ZNF326: variants seen among roughly 807,000 people sequenced by gnomAD.
ZNF326 encodes zinc finger protein 326, also known as DBIRD complex subunit ZNF326.
ZNF326 carries 30 observed loss-of-function variants against 63.1 expected under a neutral mutation model. The ratio of observed to expected loss-of-function variants is 0.48; its 90% confidence interval spans 0.36 to 0.64. ZNF326 has a LOEUF of 0.64. Ranked by LOEUF, ZNF326 falls within the 30% of genes least tolerant of loss-of-function variation. The pLI is 0.00. For missense variants in ZNF326, 609 were observed against 720.3 expected (o/e 0.85, Z 1.77); for synonymous variants, 194 against 228.2 (o/e 0.85, Z 1.35).
intron 2 of ZNF326, among the ~76,000 whole-genome samples, chr1:90,004,798 C>CTTTTTTTTT (rs34878438): frequency 1.0e-4 from 7 of 68,124 alleles, no homozygotes; most frequent in African/African-American, 1.2e-4. Flanking sequence ...AATATCAGGG[C>CTTTTTTTTT]TTTTTTTTTT....
chr1:90,014,952 T>C (rs1649430718), intron 7 of ZNF326, among the ~76,000 whole-genome samples: 2 of 152,166 alleles, frequency 1.3e-5, no homozygotes, highest in Non-Finnish European at 2.9e-5. Context: ...ATTTTAGATA[T>C]GGATTATGTT....
rs1648276089 is a variant in ZNF326 at position 89,995,171 on chromosome 1, A to G, written c.-87A>G. 1.4e-6 allele frequency: 2 copies of G among 1,464,772 alleles called. No individual in the cohort carries two copies. The highest frequency in any genetic ancestry group is 9.2e-7 in the Non-Finnish European group (1 of 1,091,750). The allele number at this position is 1,464,772 out of a possible 1,614,324, so 90.7% of individuals were successfully genotyped here. On this transcript the variant is annotated 5_prime_UTR_variant, in exon 1 of 12. Coordinates refer to ENST00000340281, the MANE Select transcript of ZNF326 (RefSeq NM_182976.4). ...GCGCCGCTCTCGGTCGCGCGGAGTG[A>G]TCGTGTGGAATCGCGGGTCGCGGAC...
At chr1:90,025,998 G>T (rs115824968) in intron 11 of ZNF326, among the ~76,000 whole-genome samples, 1 of 146,804 alleles carries the variant, frequency 6.8e-6, no homozygotes, top group Admixed American at 6.9e-5. Flanking sequence ...ACAGAGTCTC[G>T]CTGTGTCGCC....
At chr1:89,998,927 G>T (rs931522026) in intron 2 of ZNF326, among the ~76,000 whole-genome samples, 2 of 152,138 alleles carry the variant, frequency 1.3e-5, no homozygotes, top group Non-Finnish European at 2.9e-5. Flanking sequence ...TAAAGACTAT[G>T]CCATTTATGG....
At position 89,998,115 on chromosome 1, in the gene ZNF326, A is replaced by G; in HGVS notation, c.22A>G (p.Thr8Ala). 1 of 1,613,024 alleles carries G rather than the reference A, an allele frequency of 6.2e-7. No homozygotes were observed. Among genetic ancestry groups the G allele is most frequent in the Non-Finnish European group, 8.5e-7 (1 of 1,179,764 alleles). The part of the protein sequence containing the change: MDFEDDY[T>A]HSACRNTYQG... The stretch of plus-strand genomic sequence containing the variant: ...TGTTAAATGTGTCTTCATAGATTAC[A>G]CACACTCCGCCTGCAGGAATACTTA... The change falls in exon 2 of 12, where the codon ACA (threonine) becomes GCA (alanine). Residue 8 changes from threonine to alanine, a missense_variant. Thr to Ala is a moderately conservative substitution (Grantham distance 58). Coordinates refer to ENST00000340281, the MANE Select transcript of ZNF326 (RefSeq NM_182976.4).
chr1:89,998,281 T>A, intron 2 of ZNF326, 127 bp downstream of exon 2: 3 of 769,260 alleles, frequency 3.9e-6, no homozygotes, highest in Non-Finnish European at 6.2e-6. Context: ...TAATATTGTC[T>A]TACTATATAT....
intron 7 of ZNF326, among the ~76,000 whole-genome samples, chr1:90,017,096 A>G (rs1649536505): frequency 6.6e-6 from 1 of 152,218 alleles, no homozygotes; most frequent in African/African-American, 2.4e-5. Flanking sequence ...CCTACCCGGA[A>G]GCTCCAAGGT....
In ZNF326 at chr1:90,032,551, A is replaced by G. The variant is rs1650323052; in HGVS notation, c.*4850A>G. On this transcript the variant is annotated 3_prime_UTR_variant, in exon 12 of 12. Transcript: ENST00000340281. ...GGATAGATTTATAATCACACTAGGA[A>G]GACAAGAAGGGTGCTGTGAAATATT... The G allele has an allele frequency of 6.6e-6, 1 of 152,230 alleles. No homozygotes were observed. The highest frequency in any genetic ancestry group is 2.4e-5 in the African/African-American group (1 of 41,456). The allele number at this position is 152,230 out of a possible 1,614,324, so 9.4% of individuals were successfully genotyped here.
chr1:90,000,924 C>T lies in ZNF326; in HGVS notation c.61+2770C>T, dbSNP rs565759573. On this transcript the variant is annotated intron_variant, in intron 2 of 11. Transcript: ENST00000340281. ...AGCAGCTGCTAAAATGGGTATACAC[C>T]TTGTGTTCTAGAGACATCAAGGGGC... 9.2e-5 allele frequency among the ~76,000 whole-genome samples: 14 copies of T among 152,168 alleles called. No homozygotes were observed. The South Asian group carries it at 2.9e-3, about 32-fold the overall frequency.
Position 90,007,585 on chromosome 1 carries a change from AAGAG to A in ZNF326, c.454_457del (p.Glu152IlefsTer13). 6.2e-7 allele frequency: 1 copy of A among 1,611,818 alleles called. No individual in the cohort carries two copies. The highest frequency in any genetic ancestry group is 8.5e-7 in the Non-Finnish European group (1 of 1,178,844). ...GGCCTGGGTTTATGGAGGACAGAGGAAGAGAGAATTACTCTTCCTACAGCAGTTT... is the reference window on the plus strand; with the variant it reads ...GGCCTGGGTTTATGGAGGACAGAGGAAGAATTACTCTTCCTACAGCAGTTT... On this transcript the variant is annotated frameshift_variant, in exon 5 of 12. Coordinates refer to ENST00000340281, the MANE Select transcript of ZNF326 (RefSeq NM_182976.4). LOFTEE classifies it high-confidence loss of function. The surrounding 1 kb of genome is among the most constrained non-coding windows in gnomAD (Gnocchi z 4.9).
At chr1:90,017,535 C>T (rs1649562342) in intron 8 of ZNF326, 71 bp downstream of exon 8, 1 of 1,347,826 alleles carries the variant, frequency 7.4e-7, no homozygotes. Context: ...TTTTCACTCT[C>T]CCCATCTCTC....
rs1650340271 is a variant in ZNF326 at position 90,033,042 on chromosome 1, G to A, written c.*5341G>A. On this transcript the variant is annotated 3_prime_UTR_variant, in exon 12 of 12. Transcript: ENST00000340281. ...TTCTCCTTCCTCACACAATTAAAAT[G>A]CTAGGTTTCCTGTAATCGCAATCTT... is the stretch of plus-strand genomic sequence containing the variant. 1 of 152,086 alleles carries A rather than the reference G, an allele frequency of 6.6e-6. No individual in the cohort carries two copies. The highest frequency in any genetic ancestry group is 1.5e-5 in the Non-Finnish European group (1 of 68,008). The allele number at this position is 152,086 out of a possible 1,614,324, so 9.4% of individuals were successfully genotyped here.
intron 11 of ZNF326, among the ~76,000 whole-genome samples, chr1:90,026,325 T>C (rs1345613082): frequency 6.6e-6 from 1 of 152,118 alleles, no homozygotes; most frequent in Non-Finnish European, 1.5e-5. Flanking sequence ...CAGCCCTTTT[T>C]TCTACTTAAT....
chr1:90,007,734 G>A lies in ZNF326; in HGVS notation c.599G>A (p.Arg200Lys). 1.3e-6 allele frequency: 2 copies of A among 1,509,364 alleles called. No individual in the cohort carries two copies. Among genetic ancestry groups the A allele is most frequent in the Middle Eastern group, 1.8e-4 (1 of 5,566 alleles). The allele number at this position is 1,509,364 out of a possible 1,614,324, so 93.5% of individuals were successfully genotyped here. A position where few individuals can be genotyped will look rare whatever the true frequency, so the allele number is the denominator to read the frequency against. ...GCTTTTGGAGGACCATCAACAGGCA[G>A]AGGCCGAGGCCGAGGAGTAAGTACA... ...YDAFGGPSTG[R>K]GRGRGHMGDF... The change falls in exon 5 of 12, where the codon AGA becomes AAA. Residue 200 changes from arginine to lysine, a missense_variant. Coordinates refer to ENST00000340281, the MANE Select transcript of ZNF326 (RefSeq NM_182976.4). This position sits in a 1 kb window ranked among gnomAD's most constrained non-coding sequence, Gnocchi z 4.9.
chr1:90,019,237 A>C (rs1649645034), intron 9 of ZNF326, among the ~76,000 whole-genome samples: 2 of 152,216 alleles, frequency 1.3e-5, no homozygotes, highest in Admixed American at 6.5e-5. Context: ...AGAAAAGGAA[A>C]GAAAAACAGA....
intron 2 of ZNF326, among the ~76,000 whole-genome samples, chr1:89,998,671 A>G (rs942970956): frequency 1.3e-5 from 2 of 152,156 alleles, no homozygotes; most frequent in Non-Finnish European, 2.9e-5. Flanking sequence ...ACTTGTGACT[A>G]TAGAACTAGA....
At position 90,033,360 on chromosome 1, in the gene ZNF326, C is replaced by G. The variant is rs1650352573; in HGVS notation, c.*5659C>G. ...AGCAACATGAAAAATACACAGCAAA[C>G]TTAACAAGCAGAAAGAATTCCTGGG... On this transcript the variant is annotated 3_prime_UTR_variant, in exon 12 of 12. Coordinates refer to ENST00000340281, the MANE Select transcript of ZNF326 (RefSeq NM_182976.4). 6.6e-6 allele frequency: 1 copy of G among 151,774 alleles called. No homozygotes were observed. Among genetic ancestry groups the G allele is most frequent in the East Asian group, 1.9e-4 (1 of 5,186 alleles). The allele number at this position is 151,774 out of a possible 1,614,324, so 9.4% of individuals were successfully genotyped here.
In ZNF326 at chr1:90,035,448, C is replaced by CT. The variant is rs1277554212; in HGVS notation, c.*7748dup. The CT allele has an allele frequency of 6.6e-6, 1 of 152,020 alleles. No homozygotes were observed. Among genetic ancestry groups the CT allele is most frequent in the Non-Finnish European group, 1.5e-5 (1 of 68,002 alleles). 9.4% of individuals were successfully genotyped at this position (152,020 alleles called of 1,614,324 possible). On this transcript the variant is annotated 3_prime_UTR_variant, in exon 12 of 12. Transcript: ENST00000340281. The stretch of plus-strand genomic sequence containing the variant: ...AGCAAAACTTGGAACTGTATACTGT[C>CT]TAAGAATAAACAATGGGAAAAATGC...
At position 90,007,461 on chromosome 1, in the gene ZNF326, G is replaced by A; in HGVS notation, c.326G>A (p.Gly109Asp). Residue 109 changes from glycine (G) to aspartate (D), a missense_variant, in exon 5 of 12, where the codon GGT (glycine) becomes GAT (aspartate). This residue lies in a region of ZNF326 where 113 missense variants were observed against 187.4 expected (regional missense o/e 0.60). Transcript: ENST00000340281. This position sits in a 1 kb window ranked among gnomAD's most constrained non-coding sequence, Gnocchi z 4.9. ...EQSRFGGSYG[G>D]RFESSYRNSL... Reference sequence around the variant, plus strand: ...AGCCGCTTCGGAGGTAGTTATGGTGGTCGATTTGAGAGCTCCTACCGGAAT... The same window carrying A: ...AGCCGCTTCGGAGGTAGTTATGGTGATCGATTTGAGAGCTCCTACCGGAAT... 6.2e-7 allele frequency: 1 copy of A among 1,614,076 alleles called. No individual in the cohort carries two copies. The highest frequency in any genetic ancestry group is 1.1e-5 in the South Asian group (1 of 91,064).
Sources: allele counts gnomAD v4.1 joint callset (sites outside exome capture counted in the v4.1 genomes callset), GRCh38; gene constraint gnomAD v4.1.1; regional missense constraint gnomAD v4.1.1; non-coding constraint Gnocchi (gnomAD v3.1); transcripts MANE v1.5; gene names NCBI Gene and HGNC (gene_info 2026-07-23, HGNC 2026-07-21).